NPFFR2: variants seen among roughly 807,000 people sequenced by gnomAD.
The protein encoded by NPFFR2 is G-protein coupled receptor 74.
In NPFFR2, 15 loss-of-function variants were observed where a neutral mutation model predicts 13.1. That is an observed-to-expected ratio of 1.15 (90% CI 0.77 to 1.76). The LOEUF is 1.76. Ranked by LOEUF, NPFFR2 falls within the 40% of genes most tolerant of loss-of-function variation. The probability of loss-of-function intolerance (pLI) is 0.00; values close to 1 mark genes in which losing one functional copy is unlikely to be tolerated. For missense variants in NPFFR2, 572 were observed against 503.5 expected (o/e 1.14, Z -1.30); for synonymous variants, 190 against 175.7 (o/e 1.08, Z -0.65).
intron 1 of NPFFR2, among the ~76,000 whole-genome samples, chr4:72,047,739 A>G (rs1719417940): frequency 6.6e-6 from 1 of 152,196 alleles, no homozygotes; most frequent in African/African-American, 2.4e-5. Flanking sequence ...AATTATAGAA[A>G]TATATGCGTA....
chr4:72,060,328 A>AC (rs1202254709), intron 1 of NPFFR2, among the ~76,000 whole-genome samples: 2 of 152,202 alleles, frequency 1.3e-5, no homozygotes, highest in East Asian at 3.9e-4. Context: ...CCAGGATTCC[A>AC]TAATAGCTAT....
At chr4:72,042,357 A>C (rs751722385) in intron 1 of NPFFR2, among the ~76,000 whole-genome samples, 2 of 152,178 alleles carry the variant, frequency 1.3e-5, no homozygotes, top group Non-Finnish European at 2.9e-5. Flanking sequence ...CTATATTCGT[A>C]TAGCGGCGTG....
At chr4:72,053,180 C>T (rs1026522753) in intron 1 of NPFFR2, among the ~76,000 whole-genome samples, 8 of 151,942 alleles carry the variant, frequency 5.3e-5, no homozygotes, top group African/African-American at 1.9e-4. Context: ...GAATTTGACT[C>T]ATTTTGTCAA....
At chr4:72,068,525 T>G (rs1237210313) in intron 1 of NPFFR2, among the ~76,000 whole-genome samples, 1 of 152,214 alleles carries the variant, frequency 6.6e-6, no homozygotes, top group Non-Finnish European at 1.5e-5. Context: ...GGAGACATGC[T>G]CAAGCCATAG....
intron 1 of NPFFR2, among the ~76,000 whole-genome samples, chr4:72,109,737 C>T (rs1721511075): frequency 6.6e-6 from 1 of 151,738 alleles, no homozygotes; most frequent in African/African-American, 2.4e-5. Flanking sequence ...TAATGAATGC[C>T]CATTCCCTTG....
intron 1 of NPFFR2, among the ~76,000 whole-genome samples, chr4:72,088,078 A>G (rs1048746909): frequency 3.3e-5 from 5 of 152,070 alleles, no homozygotes; most frequent in African/African-American, 9.7e-5. Flanking sequence ...AATTTCCTCA[A>G]ATTCCGAGAG....
intron 1 of NPFFR2, among the ~76,000 whole-genome samples, chr4:72,072,902 A>G (rs928191823): frequency 3.3e-5 from 5 of 152,100 alleles, no homozygotes; most frequent in African/African-American, 9.7e-5. Flanking sequence ...CATTTCCCCT[A>G]TGGATAAGAG....
chr4:72,083,315 A>G (rs1285350550), intron 1 of NPFFR2, among the ~76,000 whole-genome samples: 1 of 152,196 alleles, frequency 6.6e-6, no homozygotes, highest in Non-Finnish European at 1.5e-5. Flanking sequence ...CCAACAGCAT[A>G]CAAGGGTTCT....
intron 2 of NPFFR2, among the ~76,000 whole-genome samples, 171 bp from the exon 3 acceptor site, chr4:72,137,869 G>A (rs1326682952): frequency 6.6e-6 from 1 of 152,204 alleles, no homozygotes; most frequent in African/African-American, 2.4e-5. Flanking sequence ...TTAGTGTACT[G>A]AAAAGCAGAG....
chr4:72,134,567 G>T (rs1028613852), intron 2 of NPFFR2, among the ~76,000 whole-genome samples: 2 of 151,938 alleles, frequency 1.3e-5, no homozygotes, highest in Non-Finnish European at 2.9e-5. Context: ...TATCTTATCC[G>T]TGCTGAGCCT....
At chr4:72,042,838 AT>A (rs1274808699) in intron 1 of NPFFR2, among the ~76,000 whole-genome samples, 1 of 152,220 alleles carries the variant, frequency 6.6e-6, no homozygotes, top group African/African-American at 2.4e-5. Context: ...AGAAAAATCC[AT>A]TTTCTGAAAA....
At chr4:72,050,493 A>G (rs1401298841) in intron 1 of NPFFR2, among the ~76,000 whole-genome samples, 6 of 151,974 alleles carry the variant, frequency 3.9e-5, no homozygotes, top group Non-Finnish European at 7.4e-5. Flanking sequence ...AGAATGACAA[A>G]ACAGACTCTT....
At chr4:72,075,860 CACA>C (rs1401581763) in intron 1 of NPFFR2, among the ~76,000 whole-genome samples, 4 of 151,904 alleles carry the variant, frequency 2.6e-5, no homozygotes, top group East Asian at 3.9e-4. Context: ...GTGATGGTTG[CACA>C]ACAATATGAA....
intron 1 of NPFFR2, among the ~76,000 whole-genome samples, chr4:72,047,858 A>G (rs1719421386): frequency 6.6e-6 from 1 of 152,130 alleles, no homozygotes; most frequent in African/African-American, 2.4e-5. Context: ...ATATGCTTCC[A>G]TTTAGGATAG....
chr4:72,061,830 T>A (rs974217262), intron 1 of NPFFR2, among the ~76,000 whole-genome samples: 6 of 152,034 alleles, frequency 3.9e-5, no homozygotes, highest in African/African-American at 1.4e-4. Flanking sequence ...AATAACATAA[T>A]GCATGCAGAG....
intron 1 of NPFFR2, among the ~76,000 whole-genome samples, chr4:72,109,700 T>TTTGTTG (rs528300096): frequency 6.7e-6 from 1 of 150,242 alleles, no homozygotes; most frequent in Admixed American, 6.6e-5. Flanking sequence ...TTCCATGAAA[T>TTTGTTG]TTGTTGTTGT....
chr4:72,062,595 G>T (rs969394240), intron 1 of NPFFR2, among the ~76,000 whole-genome samples: 6 of 151,382 alleles, frequency 4.0e-5, no homozygotes, highest in Admixed American at 3.3e-4. Context: ...TGAAATTGTA[G>T]CTTCTTGCAT....
At chr4:72,112,464 C>CT (rs1326032886) in intron 1 of NPFFR2, among the ~76,000 whole-genome samples, 1 of 152,024 alleles carries the variant, frequency 6.6e-6, no homozygotes, top group African/African-American at 2.4e-5. Context: ...GCAGCCCCCT[C>CT]TGCATTACCT....
chr4:72,059,343 A>C (rs1719855013), intron 1 of NPFFR2, among the ~76,000 whole-genome samples: 1 of 152,106 alleles, frequency 6.6e-6, no homozygotes, highest in Non-Finnish European at 1.5e-5. Flanking sequence ...GAAAACAAAA[A>C]ACTGGTTTTT....
Sources: gnomAD v4.1 joint callset for allele counts (sites outside exome capture counted in the v4.1 genomes callset) on GRCh38, gnomAD v4.1.1 for gene constraint, MANE v1.5 for transcripts, NCBI Gene and HGNC (gene_info 2026-07-23, HGNC 2026-07-21) for gene names.